Variants in AGBL1 observed in about 807,000 individuals in gnomAD.
AGBL1 encodes AGBL carboxypeptidase 1, also known as cytosolic carboxypeptidase 4.
Under a neutral mutation model 118.9 loss-of-function variants are expected in AGBL1, and 130 were observed. That is an observed-to-expected ratio of 1.09 (90% CI 0.95 to 1.26). The LOEUF is 1.26. Among genes scored for constraint, AGBL1 ranks in the 50% most tolerant of loss-of-function variants. The pLI is 0.00. For missense variants in AGBL1, 1,584 were observed against 1,298.1 expected (o/e 1.22, Z -3.38); for synonymous variants, 555 against 478.9 (o/e 1.16, Z -2.08).
rs201082111 is a variant in AGBL1 at position 86,370,650 on chromosome 15, A to G, written c.2375-26716A>G. ...ATACCTGCCCAAAGCACAGCCTGTG[A>G]TATCTAACCTGAGCTGATCTATACT... is the stretch of plus-strand genomic sequence containing the variant. On this transcript the variant is annotated intron_variant, in intron 17 of 22. Coordinates refer to ENST00000614907, the MANE Select transcript of AGBL1 (RefSeq NM_001386094.1). Among the ~76,000 whole-genome samples, 4 of 152,262 alleles carry G rather than the reference A, an allele frequency of 2.6e-5. No individual in the cohort carries two copies. In the East Asian group the frequency reaches 7.7e-4, roughly 29 times the overall value.
At chr15:86,799,930 A>C (rs1323352276) in intron 22 of AGBL1, among the ~76,000 whole-genome samples, 1 of 152,156 alleles carries the variant, frequency 6.6e-6, no homozygotes, top group Non-Finnish European at 1.5e-5. Flanking sequence ...GAACTGAAAA[A>C]TATCCATATA....
intron 19 of AGBL1, among the ~76,000 whole-genome samples, chr15:86,527,932 C>T (rs1224125825): frequency 2.0e-5 from 3 of 152,208 alleles, no homozygotes; most frequent in Non-Finnish European, 4.4e-5. Flanking sequence ...ACCTAGCCAT[C>T]CATCATCCAT....
intron 18 of AGBL1, among the ~76,000 whole-genome samples, chr15:86,517,726 C>T (rs2083138775): frequency 6.6e-6 from 1 of 152,116 alleles, no homozygotes; most frequent in Non-Finnish European, 1.5e-5. Context: ...ATAACATGTC[C>T]CTGACAACCC....
chr15:87,013,894 A>G (rs563101269), intron 24 of AGBL1, among the ~76,000 whole-genome samples: 11 of 152,266 alleles, frequency 7.2e-5, no homozygotes, highest in Admixed American at 4.6e-4. Flanking sequence ...ACATAGACAC[A>G]CTTGATTTGA....
intron 1 of AGBL1, chr15:86,083,295 C>CTG (rs1895414894): frequency 1.3e-5 from 2 of 151,996 alleles, no homozygotes; most frequent in South Asian, 4.1e-4. Flanking sequence ...GATGTGGGCT[C>CTG]CTTGCCAGCT....
At chr15:86,349,418 A>G (rs1320974598) in intron 17 of AGBL1, among the ~76,000 whole-genome samples, 1 of 152,278 alleles carries the variant, frequency 6.6e-6, no homozygotes, top group African/African-American at 2.4e-5. Flanking sequence ...GGTCTCCTCA[A>G]TATTTTATTA....
At chr15:86,622,330 C>CAAAA (rs76582205) in intron 21 of AGBL1, among the ~76,000 whole-genome samples, 1 of 93,916 alleles carries the variant, frequency 1.1e-5, no homozygotes, top group Admixed American at 1.3e-4. Context: ...GACTCCATCT[C>CAAAA]AAAAAAAAAA....
chr15:86,344,180 C>A (rs551798194), intron 17 of AGBL1, among the ~76,000 whole-genome samples: 1 of 152,180 alleles, frequency 6.6e-6, no homozygotes, highest in Non-Finnish European at 1.5e-5. Flanking sequence ...GCTCTTGTAC[C>A]AGGGTGATTT....
intron 17 of AGBL1, among the ~76,000 whole-genome samples, chr15:86,331,659 A>T (rs1232289520): frequency 3.3e-5 from 5 of 152,250 alleles, no homozygotes; most frequent in African/African-American, 1.2e-4. Flanking sequence ...CAACATTGTT[A>T]AAGAAATGCC....
intron 22 of AGBL1, among the ~76,000 whole-genome samples, chr15:86,822,426 G>GCTGTTTTATAATGT (rs2078954161): frequency 6.6e-6 from 1 of 152,128 alleles, no homozygotes; most frequent in Non-Finnish European, 1.5e-5. Flanking sequence ...CCAGAACTAG[G>GCTGTTTTATAATGT]CTGTTTTATA....
chr15:86,293,172 C>T (rs907426236), intron 16 of AGBL1, among the ~76,000 whole-genome samples: 7 of 152,080 alleles, frequency 4.6e-5, no homozygotes, highest in Non-Finnish European at 1.0e-4. Flanking sequence ...CATTCTTTTT[C>T]CCTTGTATGT....
At chr15:86,494,436 A>G (rs2082821763) in intron 18 of AGBL1, among the ~76,000 whole-genome samples, 1 of 151,888 alleles carries the variant, frequency 6.6e-6, no homozygotes, top group Admixed American at 6.6e-5. Flanking sequence ...TTGACTATGG[A>G]GTATCATTAT....
In AGBL1 at chr15:86,154,431, T is replaced by TA. The variant is rs776473286; in HGVS notation, c.269dup (p.Ile91AspfsTer12). ...AGATAGATTGATTTGTGTTCTTAGATAAAAAGATTGGACGGAAGGCCCTAG... is the reference window on the plus strand; with the variant it reads ...AGATAGATTGATTTGTGTTCTTAGATAAAAAAGATTGGACGGAAGGCCCTAG... On this transcript the variant is annotated frameshift_variant and splice_region_variant, in exon 4 of 23. Coordinates refer to ENST00000614907, the MANE Select transcript of AGBL1 (RefSeq NM_001386094.1). LOFTEE classifies it high-confidence loss of function. 2 of 1,611,704 alleles carry TA rather than the reference T, an allele frequency of 1.2e-6. No individual in the cohort carries two copies. Among genetic ancestry groups the TA allele is most frequent in the Non-Finnish European group, 1.7e-6 (2 of 1,178,956 alleles).
chr15:86,604,225 A>G (rs1490211751), intron 21 of AGBL1, among the ~76,000 whole-genome samples: 1 of 152,226 alleles, frequency 6.6e-6, no homozygotes, highest in Non-Finnish European at 1.5e-5. Flanking sequence ...TTGTAATATG[A>G]AATTGTAGGC....
chr15:86,100,679 T>C (rs181596595), intron 1 of AGBL1, among the ~76,000 whole-genome samples: 109 of 152,236 alleles, frequency 7.2e-4, no homozygotes, highest in African/African-American at 2.5e-3. Flanking sequence ...TCTGATGATC[T>C]TCGTATTTCT....
intron 5 of AGBL1, among the ~76,000 whole-genome samples, chr15:86,210,134 A>C (rs1432389799): frequency 6.6e-6 from 1 of 152,170 alleles, no homozygotes; most frequent in Non-Finnish European, 1.5e-5. Flanking sequence ...AGAATGTTGA[A>C]TATTGGCCTC....
In AGBL1 at chr15:86,137,194, A is replaced by G. The variant is rs181881730; in HGVS notation, c.52-4810A>G. On this transcript the variant is annotated intron_variant, in intron 1 of 22. Transcript: ENST00000614907. Reference sequence around the variant, plus strand: ...GATCACCATAATGTTTACTTAAAGTAAAACCATTTGTGCTGCTCCATTCTG... The same window carrying G: ...GATCACCATAATGTTTACTTAAAGTGAAACCATTTGTGCTGCTCCATTCTG... Among the ~76,000 whole-genome samples, 701 of 152,350 alleles carry G rather than the reference A, an allele frequency of 4.6e-3. 5 individuals carry two copies. The highest frequency in any genetic ancestry group is 0.016 in the African/African-American group (676 of 41,578).
At chr15:86,734,080 C>T (rs1200962775) in intron 22 of AGBL1, among the ~76,000 whole-genome samples, 1 of 152,174 alleles carries the variant, frequency 6.6e-6, no homozygotes. Context: ...GTACTGGACC[C>T]TGTTCTAGGC....
At chr15:86,550,422 G>A (rs1440385034) in intron 20 of AGBL1, among the ~76,000 whole-genome samples, 1 of 152,054 alleles carries the variant, frequency 6.6e-6, no homozygotes, top group African/African-American at 2.4e-5. Context: ...CAGCTTAAAA[G>A]TTAAAAGATG....
Sources: allele counts gnomAD v4.1 joint callset (sites outside exome capture counted in the v4.1 genomes callset), GRCh38; gene constraint gnomAD v4.1.1; transcripts MANE v1.5; gene names NCBI Gene and HGNC (gene_info 2026-07-23, HGNC 2026-07-21).